The following TMEM74 variants were observed in gnomAD, a reference collection of about 807,000 sequenced individuals.
The protein encoded by TMEM74 is transmembrane protein 74.
A neutral mutation model predicts 18.1 loss-of-function variants in TMEM74; 13 were observed. The observed-to-expected ratio is 0.72, with a 90% CI of 0.47 to 1.14. TMEM74 has a LOEUF of 1.14. TMEM74 is among the 50% of genes most tolerant of loss of function. The pLI is 0.00. For missense variants in TMEM74, 372 were observed against 375.9 expected, an observed-to-expected ratio of 0.99 and a Z score of 0.09; for synonymous variants, 159 against 146.6, an observed-to-expected ratio of 1.08 and a Z score of -0.61.
At chr8:108,701,425 C>T (rs1813333701) in intron 1 of TMEM74, among the ~76,000 whole-genome samples, 1 of 152,130 alleles carries the variant, frequency 6.6e-6, no homozygotes, top group African/African-American at 2.4e-5. Context: ...ATAAGGTTTA[C>T]AGATTGGGAA....
At chr8:108,611,840 A>G (rs1156625810) in intron 2 of TMEM74, among the ~76,000 whole-genome samples, 1 of 152,162 alleles carries the variant, frequency 6.6e-6, no homozygotes, top group African/African-American at 2.4e-5. Context: ...TCACACTGCT[A>G]TGAAGAAATA....
intron 1 of TMEM74, among the ~76,000 whole-genome samples, chr8:108,719,770 A>G (rs1234728669): frequency 2.0e-5 from 3 of 152,122 alleles, no homozygotes; most frequent in African/African-American, 7.2e-5. Context: ...GATAAATTTG[A>G]GAAGCATCCT....
chr8:108,758,679 C>G (rs890062463), intron 1 of TMEM74, among the ~76,000 whole-genome samples: 26 of 151,990 alleles, frequency 1.7e-4, no homozygotes, highest in Non-Finnish European at 2.9e-5. Context: ...TACTCACACC[C>G]TTGGACCTAT....
rs556503714 is a variant in TMEM74, at chr8:108,663,949, G to T, written n.120-8512C>A. On this transcript the variant is annotated intron_variant and non_coding_transcript_variant, in intron 1 of 3. Transcript: ENST00000518838. Reference sequence around the variant, plus strand: ...ACATCAGAGGAAACAACACACACTGGGGCCTCTCAGGTTGAGCAGAGGGAG... The same window carrying T: ...ACATCAGAGGAAACAACACACACTGTGGCCTCTCAGGTTGAGCAGAGGGAG... Among the ~76,000 whole-genome samples the T allele has an allele frequency of 4.2e-3, 635 of 152,172 alleles. 5 individuals carry two copies. Among genetic ancestry groups the T allele is most frequent in the Non-Finnish European group, 6.9e-3 (471 of 68,016 alleles).
In TMEM74 at chr8:108,783,467, A is replaced by T. The variant is rs577887615; in HGVS notation, c.*714T>A. 1.4e-4 allele frequency: 21 copies of T among 152,362 alleles called. No homozygotes were observed. Among genetic ancestry groups the T allele is most frequent in the Admixed American group, 7.2e-4 (11 of 15,302 alleles). The allele number at this position is 152,362 out of a possible 1,614,324, so 9.4% of individuals were successfully genotyped here. ...TAACTAATTTGACTTCATTTTAAAA[A>T]AGAGCCTGTGACCCTGGCTAATATC... On this transcript the variant is annotated 3_prime_UTR_variant, in exon 2 of 2. Coordinates refer to ENST00000297459, the MANE Select transcript of TMEM74 (RefSeq NM_153015.3).
intron 1 of TMEM74, among the ~76,000 whole-genome samples, chr8:108,655,815 A>G (rs1435315656): frequency 1.3e-5 from 2 of 152,254 alleles, no homozygotes; most frequent in African/African-American, 4.8e-5. Context: ...ATCATATTTA[A>G]CAGAAAGGTT....
intron 1 of TMEM74, among the ~76,000 whole-genome samples, chr8:108,741,078 A>C (rs1236787574): frequency 6.6e-6 from 1 of 152,246 alleles, no homozygotes; most frequent in African/African-American, 2.4e-5. Context: ...TTTTTAAAGC[A>C]TGTTGCTGAA....
In TMEM74 at chr8:108,699,145, TTTCCTTCC is replaced by T. The variant is rs150848011; in HGVS notation, n.120-43716_120-43709del. Among the ~76,000 whole-genome samples, 166 of 68,770 alleles carry T rather than the reference TTTCCTTCC, an allele frequency of 2.4e-3. 5 individuals are homozygous for T. Among genetic ancestry groups the T allele is most frequent in the African/African-American group, 9.9e-3 (158 of 15,882 alleles). 45.1% of individuals were successfully genotyped at this position (68,770 alleles called of 152,430 possible). ...TTGTACCCTTCCCTCCCCTCCCTCT[TTTCCTTCC>T]TTCCTTCCTTCCTTCCTTCCTTCCT... On this transcript the variant is annotated intron_variant and non_coding_transcript_variant, in intron 1 of 3. Coordinates refer to the TMEM74 transcript ENST00000518838.
chr8:108,775,803 GGT>G (rs1418311540), downstream of TMEM74, among the ~76,000 whole-genome samples: 5 of 152,184 alleles, frequency 3.3e-5, no homozygotes, highest in African/African-American at 1.2e-4. Context: ...ATTTGTATAA[GGT>G]GTGGCCGAAG....
At chr8:108,767,172 A>T (rs969467821) in intron 1 of TMEM74, among the ~76,000 whole-genome samples, 1 of 152,202 alleles carries the variant, frequency 6.6e-6, no homozygotes, top group East Asian at 1.9e-4. Flanking sequence ...AACCTGAAGA[A>T]TTTGAAATTT....
intron 1 of TMEM74, among the ~76,000 whole-genome samples, chr8:108,715,877 G>A (rs886169173): frequency 2.0e-5 from 3 of 151,902 alleles, no homozygotes; most frequent in Non-Finnish European, 4.4e-5. Context: ...AGTAACCCTG[G>A]TGACAATTTT....
intron 1 of TMEM74, among the ~76,000 whole-genome samples, chr8:108,713,632 G>T (rs953412970): frequency 6.6e-6 from 1 of 152,158 alleles, no homozygotes; most frequent in Non-Finnish European, 1.5e-5. Context: ...AAATCTATGG[G>T]TGCTATTAAG....
At chr8:108,678,634 GCCATTATTATTGT>G (rs961235174) in intron 1 of TMEM74, among the ~76,000 whole-genome samples, 1 of 149,864 alleles carries the variant, frequency 6.7e-6, no homozygotes, top group Admixed American at 6.7e-5. Flanking sequence ...TGCTCCCACT[GCCATTATTATTGT>G]CATGCCCAAT....
intron 1 of TMEM74, among the ~76,000 whole-genome samples, chr8:108,733,388 A>G (rs910846571): frequency 6.6e-6 from 1 of 152,210 alleles, no homozygotes; most frequent in African/African-American, 2.4e-5. Context: ...AGAGAGAAAC[A>G]AAGTAGTACA....
At chr8:108,680,508 G>A (rs1408445022) in intron 1 of TMEM74, among the ~76,000 whole-genome samples, 1 of 152,132 alleles carries the variant, frequency 6.6e-6, no homozygotes, top group Admixed American at 6.5e-5. Context: ...GTACTGATGG[G>A]ATGTATCTCA....
At chr8:108,720,814 G>T (rs1415280610) in intron 1 of TMEM74, among the ~76,000 whole-genome samples, 1 of 152,014 alleles carries the variant, frequency 6.6e-6, no homozygotes. Flanking sequence ...TGTCGCCCAG[G>T]CTGGAGTGCA....
At chr8:108,678,707 A>G (rs1276596146) in intron 1 of TMEM74, among the ~76,000 whole-genome samples, 1 of 150,360 alleles carries the variant, frequency 6.7e-6, no homozygotes, top group African/African-American at 2.4e-5. Context: ...TTATTGCTTT[A>G]TAAGATTTAT....
At chr8:108,777,138 C>T (rs1216975736), downstream of TMEM74, among the ~76,000 whole-genome samples, 1 of 152,166 alleles carries the variant, frequency 6.6e-6, no homozygotes, top group African/African-American at 2.4e-5. Context: ...GATGGAGAAA[C>T]TTGGATCAGA....
intron 1 of TMEM74, among the ~76,000 whole-genome samples, chr8:108,674,893 T>C (rs1264363354): frequency 6.6e-6 from 1 of 152,166 alleles, no homozygotes; most frequent in Admixed American, 6.6e-5. Context: ...GCCTGACCCA[T>C]GTCACTCAAA....
Sources: allele counts gnomAD v4.1 joint callset (sites outside exome capture counted in the v4.1 genomes callset), GRCh38; gene constraint gnomAD v4.1.1; transcripts MANE v1.5; gene names NCBI Gene and HGNC (gene_info 2026-07-23, HGNC 2026-07-21).